Variants in ANKRD28 observed in about 807,000 individuals in gnomAD.
ANKRD28 encodes the protein serine/threonine-protein phosphatase 6 regulatory ankyrin repeat subunit A.
ANKRD28 carries 44 observed loss-of-function variants against 126.5 expected under a neutral mutation model. That is an observed-to-expected ratio of 0.35 (90% CI 0.27 to 0.45). The LOEUF (loss-of-function observed/expected upper bound fraction) is 0.45, where lower values mean the gene tolerates loss of function less well. ANKRD28 is among the 20% of genes least tolerant of loss of function. The probability of loss-of-function intolerance (pLI) is 1.00; values close to 1 mark genes in which losing one functional copy is unlikely to be tolerated. For synonymous variants in ANKRD28, 442 were observed against 468.5 expected (o/e 0.94, Z 0.73); for missense variants, 1,110 against 1,316.6 (o/e 0.84, Z 2.43).
chr3:15,778,730 C>T (rs75674936), intron 2 of ANKRD28, among the ~76,000 whole-genome samples: 3,796 of 152,268 alleles, frequency 0.025, 166 homozygotes, highest in African/African-American at 0.085. Context: ...GCTTTGTGCT[C>T]TGCCAGATGA....
intron 27 of ANKRD28, among the ~76,000 whole-genome samples, chr3:15,673,281 G>C (rs2066570106): frequency 6.6e-6 from 1 of 152,174 alleles, no homozygotes; most frequent in African/African-American, 2.4e-5. Context: ...TCGTTAATAG[G>C]CTGTTTGCAC....
Position 15,815,783 on chromosome 3 carries a change from C to T in ANKRD28, c.28-20477G>A, listed in dbSNP as rs2060820308. Among the ~76,000 whole-genome samples the T allele has an allele frequency of 6.6e-6, 1 of 152,066 alleles. No individual in the cohort carries two copies. The highest frequency in any genetic ancestry group is 2.1e-4 in the South Asian group (1 of 4,830). ...AAAAATCTGTTATTTCTTCCCTTGT[C>T]AAAATTATTTATGAACAAATCAACC... On this transcript the variant is annotated intron_variant, in intron 1 of 27. Transcript: ENST00000399451. This position sits in a 1 kb window ranked among gnomAD's most constrained non-coding sequence, Gnocchi z 4.1.
At position 15,838,152 on chromosome 3, in the gene ANKRD28, G is replaced by A. The variant is rs1398993820; in HGVS notation, c.27+21225C>T. Among the ~76,000 whole-genome samples, 1 of 151,994 alleles carries A rather than the reference G, an allele frequency of 6.6e-6. No individual in the cohort carries two copies. The highest frequency in any genetic ancestry group is 1.5e-5 in the Non-Finnish European group (1 of 67,996). On this transcript the variant is annotated intron_variant, in intron 1 of 27. Coordinates refer to the ANKRD28 transcript ENST00000399451. The surrounding 1 kb of genome is among the most constrained non-coding windows in gnomAD (Gnocchi z 4.0). ...AAATCTTCCCACAAAGAAAAGCCTT[G>A]GCCCACATAGTTTCTTTCACTGGTG...
chr3:15,723,722 G>T (rs2073953808), intron 7 of ANKRD28, among the ~76,000 whole-genome samples: 1 of 152,066 alleles, frequency 6.6e-6, no homozygotes, highest in Non-Finnish European at 1.5e-5. Context: ...AGTGAGCTGT[G>T]ATTGTGCCAC....
In ANKRD28 at chr3:15,812,839, A is replaced by G. The variant is rs2060744824; in HGVS notation, c.28-17533T>C. Among the ~76,000 whole-genome samples, 3 of 152,138 alleles carry G rather than the reference A, an allele frequency of 2.0e-5. 1 individual carries two copies. On this transcript the variant is annotated intron_variant, in intron 1 of 27. Transcript: ENST00000399451. This position sits in a 1 kb window ranked among gnomAD's most constrained non-coding sequence, Gnocchi z 4.1. ...GGGTAGGTAATCTAGACCCTCCTGAAAAGGCCAGGTAAAGATTCACAATCA... is the reference window on the plus strand; with the variant it reads ...GGGTAGGTAATCTAGACCCTCCTGAGAAGGCCAGGTAAAGATTCACAATCA...
chr3:15,794,373 TG>T (rs1291116090), intron 2 of ANKRD28, among the ~76,000 whole-genome samples: 3 of 151,632 alleles, frequency 2.0e-5, no homozygotes, highest in African/African-American at 7.3e-5. Context: ...GAGCTTGCAA[TG>T]GGTGCTTTCT....
intron 1 of ANKRD28, among the ~76,000 whole-genome samples, chr3:15,835,165 AAAAG>A (rs1312649883): frequency 4.6e-5 from 7 of 152,312 alleles, no homozygotes; most frequent in East Asian, 1.9e-4. Flanking sequence ...AGAAAAAAGA[AAAAG>A]AAAGAGAGAA....
At chr3:15,708,400 C>T (rs1462004619) in intron 13 of ANKRD28, among the ~76,000 whole-genome samples, 1 of 151,860 alleles carries the variant, frequency 6.6e-6, no homozygotes, top group Non-Finnish European at 1.5e-5. Context: ...GGAAAGTTTC[C>T]CCTACATTAA....
At chr3:15,821,465 A>G (rs1431463512) in intron 1 of ANKRD28, among the ~76,000 whole-genome samples, 1 of 152,208 alleles carries the variant, frequency 6.6e-6, no homozygotes, top group Non-Finnish European at 1.5e-5. Flanking sequence ...GCTCAAGATA[A>G]TGAACATTAT....
upstream of ANKRD28, among the ~76,000 whole-genome samples, chr3:15,800,598 A>G (rs1015716162): frequency 2.0e-5 from 3 of 152,072 alleles, no homozygotes; most frequent in Non-Finnish European, 2.9e-5. Context: ...AAGTCCCCAC[A>G]CTTTTCAGTG....
chr3:15,783,722 T>A (rs905548827), intron 2 of ANKRD28, among the ~76,000 whole-genome samples: 1 of 151,978 alleles, frequency 6.6e-6, no homozygotes, highest in Non-Finnish European at 1.5e-5. Flanking sequence ...ACAACCTAGA[T>A]GAATCTCAAA....
At chr3:15,842,782 T>C (rs563602539) in intron 1 of ANKRD28, among the ~76,000 whole-genome samples, 14 of 152,342 alleles carry the variant, frequency 9.2e-5, no homozygotes, top group African/African-American at 3.4e-4. Flanking sequence ...TTTTTTGGAA[T>C]ATTACATATA....
intron 3 of ANKRD28, among the ~76,000 whole-genome samples, chr3:15,753,491 A>T (rs1461935491): frequency 6.6e-6 from 1 of 152,236 alleles, no homozygotes; most frequent in African/African-American, 2.4e-5. Context: ...TTATGTGCAC[A>T]TGCATATCTA....
intron 17 of ANKRD28, 62 bp from the exon 18 acceptor site, chr3:15,690,282 T>C: frequency 1.5e-6 from 2 of 1,335,456 alleles, no homozygotes; most frequent in African/African-American, 1.5e-5. Flanking sequence ...CCTAAATACT[T>C]GAATAAATGT....
intron 4 of ANKRD28, among the ~76,000 whole-genome samples, chr3:15,742,069 C>T (rs888407564): frequency 1.3e-5 from 2 of 152,192 alleles, no homozygotes; most frequent in East Asian, 1.9e-4. Flanking sequence ...AGTGCAGTGG[C>T]GTGATCTCGG....
At chr3:15,802,086 G>A (rs1333165443), upstream of ANKRD28, among the ~76,000 whole-genome samples, 1 of 152,178 alleles carries the variant, frequency 6.6e-6, no homozygotes, top group Admixed American at 6.5e-5. Flanking sequence ...GGTAAGTACA[G>A]AGCCTCACAC....
intron 14 of ANKRD28, chr3:15,697,391 C>A (rs555108046): frequency 1.3e-5 from 2 of 152,170 alleles, no homozygotes; most frequent in African/African-American, 4.8e-5. Context: ...GCTCAGGGGA[C>A]CAGTGCACCA....
At chr3:15,760,707 G>A (rs970747167) in intron 3 of ANKRD28, among the ~76,000 whole-genome samples, 1 of 152,158 alleles carries the variant, frequency 6.6e-6, no homozygotes, top group African/African-American at 2.4e-5. Context: ...GAGACTATGA[G>A]AGCTAGCTGA....
At chr3:15,844,286 C>T (rs573692309) in intron 1 of ANKRD28, among the ~76,000 whole-genome samples, 4 of 152,190 alleles carry the variant, frequency 2.6e-5, no homozygotes, top group African/African-American at 9.6e-5. Context: ...CACTATTATA[C>T]ATAATGTTGC....
Sources: allele counts gnomAD v4.1 joint callset (sites outside exome capture counted in the v4.1 genomes callset), GRCh38; gene constraint gnomAD v4.1.1; non-coding constraint Gnocchi (gnomAD v3.1); transcripts MANE v1.5; gene names NCBI Gene and HGNC (gene_info 2026-07-23, HGNC 2026-07-21).